RAP1GAP2: variants seen among roughly 807,000 people sequenced by gnomAD.
The protein encoded by RAP1GAP2 is RAP1 GTPase activating protein 2, also known as rap1 GTPase-activating protein 2.
RAP1GAP2 carries 27 observed loss-of-function variants against 95.0 expected under a neutral mutation model. The observed-to-expected ratio is 0.28, with a 90% CI of 0.21 to 0.39. RAP1GAP2 has a LOEUF of 0.39. RAP1GAP2 is among the 10% of genes least tolerant of loss of function. The pLI is 1.00. For missense variants in RAP1GAP2, 771 were observed against 970.0 expected, an observed-to-expected ratio of 0.79 and a Z score of 2.72; for synonymous variants, 373 against 380.9, an observed-to-expected ratio of 0.98 and a Z score of 0.24.
chr17:2,821,791 A>G (rs995111992), intron 2 of RAP1GAP2, among the ~76,000 whole-genome samples: 2 of 152,182 alleles, frequency 1.3e-5, no homozygotes, highest in Non-Finnish European at 2.9e-5. Context: ...ACCATAGGGA[A>G]CAACGCAGGT....
chr17:2,945,950 T>C (rs1293055219), intron 3 of RAP1GAP2, among the ~76,000 whole-genome samples: 5 of 151,916 alleles, frequency 3.3e-5, no homozygotes, highest in Non-Finnish European at 2.9e-5. Flanking sequence ...CCACCACGCC[T>C]GGGTAATTTG....
chr17:2,838,036 T>G (rs1448711190), intron 2 of RAP1GAP2, among the ~76,000 whole-genome samples: 1 of 146,708 alleles, frequency 6.8e-6, no homozygotes, highest in Non-Finnish European at 1.5e-5. Context: ...TTTTTTTTTT[T>G]GAGACAGAGT....
At chr17:2,888,303 T>C (rs2073570633) in intron 2 of RAP1GAP2, among the ~76,000 whole-genome samples, 1 of 152,218 alleles carries the variant, frequency 6.6e-6, no homozygotes, top group African/African-American at 2.4e-5. Context: ...CTTCTGGCTA[T>C]TTGAAAATAT....
intron 23 of RAP1GAP2, among the ~76,000 whole-genome samples, chr17:3,031,905 C>G (rs2047321146): frequency 6.7e-6 from 1 of 148,638 alleles, no homozygotes; most frequent in Non-Finnish European, 1.5e-5. Context: ...GTCCCGAATC[C>G]CTTCCTGAGC....
intron 3 of RAP1GAP2, among the ~76,000 whole-genome samples, chr17:2,912,397 G>C (rs1477790547): frequency 6.6e-6 from 1 of 152,150 alleles, no homozygotes; most frequent in Non-Finnish European, 1.5e-5. Context: ...TCTTCTGTTA[G>C]GCTGTGCAGG....
rs141105325 is a variant in RAP1GAP2 at position 2,932,541 on chromosome 17, C to T, written c.166-25218C>T. Among the ~76,000 whole-genome samples the T allele has an allele frequency of 2.6e-3, 388 of 146,906 alleles. 12 individuals carry two copies. In the East Asian group the frequency reaches 0.058, roughly 22 times the overall value. ...TTTTTATTTATTATTTATTATATCG[C>T]GCCACTGCACTCCAGCCTGGGTGAC... On this transcript the variant is annotated intron_variant, in intron 3 of 24. Coordinates refer to ENST00000254695, the MANE Select transcript of RAP1GAP2 (RefSeq NM_015085.5).
intron 1 of RAP1GAP2, among the ~76,000 whole-genome samples, chr17:2,762,106 G>T (rs931518797): frequency 7.1e-5 from 10 of 140,382 alleles, no homozygotes; most frequent in African/African-American, 2.6e-4. Context: ...CTCTATCTCA[G>T]CCTCCCGAGT....
chr17:2,944,274 C>T (rs965272812), intron 3 of RAP1GAP2, among the ~76,000 whole-genome samples: 17 of 151,836 alleles, frequency 1.1e-4, no homozygotes, highest in Middle Eastern at 3.2e-3. Flanking sequence ...TTGGTGCAGC[C>T]GCTATGGGAA....
At chr17:3,030,150 G>A (rs1219907024) in intron 22 of RAP1GAP2, among the ~76,000 whole-genome samples, 2 of 133,808 alleles carry the variant, frequency 1.5e-5, no homozygotes, top group African/African-American at 2.7e-5. Context: ...TATGTTATAT[G>A]TATATACATA....
chr17:2,914,224 T>C (rs2042490602), intron 3 of RAP1GAP2, among the ~76,000 whole-genome samples: 1 of 152,066 alleles, frequency 6.6e-6, no homozygotes, highest in African/African-American at 2.4e-5. Context: ...GGTCAGGCCA[T>C]CTTATATCCT....
intron 3 of RAP1GAP2, among the ~76,000 whole-genome samples, chr17:2,915,084 C>A (rs1597597564): frequency 6.6e-6 from 1 of 152,012 alleles, no homozygotes; most frequent in Admixed American, 6.6e-5. Flanking sequence ...GCCACTGCGT[C>A]CGGCCTTCTT....
intron 3 of RAP1GAP2, among the ~76,000 whole-genome samples, chr17:2,914,766 A>G (rs71359188): frequency 0.074 from 11,079 of 148,878 alleles, 466 homozygotes; most frequent in Middle Eastern, 0.11. Flanking sequence ...CTGGGATTAC[A>G]GGTGCGAGCC....
chr17:2,991,346 A>G lies in RAP1GAP2; in HGVS notation c.863A>G (p.Lys288Arg). ...AACAATGAGGAGAGCCCAGCTTTTA[A>G]GGAGTTCTTGGACCTGCTGGGGGAC... is the stretch of plus-strand genomic sequence containing the variant. The part of the protein sequence containing the change: ...FGNNEESPAF[K>R]EFLDLLGDTI... The change falls in exon 12 of 25, where the codon AAG (lysine) becomes AGG (arginine). Residue 288 changes from lysine to arginine, a missense_variant. Coordinates refer to ENST00000254695, the MANE Select transcript of RAP1GAP2 (RefSeq NM_015085.5). 6.2e-7 allele frequency: 1 copy of G among 1,607,156 alleles called. No homozygotes were observed. The highest frequency in any genetic ancestry group is 8.5e-7 in the Non-Finnish European group (1 of 1,176,986).
chr17:2,837,606 T>G (rs533979958), intron 2 of RAP1GAP2, among the ~76,000 whole-genome samples: 246 of 106,866 alleles, frequency 2.3e-3, no homozygotes, highest in African/African-American at 9.8e-3. Context: ...CAGCCCTGCT[T>G]CTTTTTTTTT....
intron 2 of RAP1GAP2, among the ~76,000 whole-genome samples, chr17:2,815,817 G>A (rs2069991424): frequency 6.6e-6 from 1 of 152,204 alleles, no homozygotes; most frequent in Non-Finnish European, 1.5e-5. Context: ...TGGGCTGTGC[G>A]GTCACACACG....
At chr17:2,884,987 C>T (rs202013597) in intron 2 of RAP1GAP2, among the ~76,000 whole-genome samples, 4 of 151,606 alleles carry the variant, frequency 2.6e-5, no homozygotes, top group Admixed American at 6.6e-5. Context: ...ATAGCCGTTA[C>T]GGCCTGGCAG....
intron 19 of RAP1GAP2, among the ~76,000 whole-genome samples, chr17:3,023,084 C>T (rs2047007497): frequency 6.6e-6 from 1 of 152,134 alleles, no homozygotes; most frequent in African/African-American, 2.4e-5. Context: ...GGATGTTGAA[C>T]CATCCTTGCA....
intron 3 of RAP1GAP2, among the ~76,000 whole-genome samples, chr17:2,924,149 T>A (rs759543195): frequency 6.6e-6 from 1 of 152,218 alleles, no homozygotes; most frequent in Non-Finnish European, 1.5e-5. Flanking sequence ...AGAGTTTGGC[T>A]CCCTGCTTTG....
chr17:2,756,100 T>G (rs1174428418), intron 1 of RAP1GAP2, among the ~76,000 whole-genome samples: 1 of 152,202 alleles, frequency 6.6e-6, no homozygotes, highest in Non-Finnish European at 1.5e-5. Flanking sequence ...GCTTCCGCCT[T>G]CCCCTTCGCC....
Sources: allele counts gnomAD v4.1 joint callset (sites outside exome capture counted in the v4.1 genomes callset), GRCh38; gene constraint gnomAD v4.1.1; transcripts MANE v1.5; gene names NCBI Gene and HGNC (gene_info 2026-07-23, HGNC 2026-07-21).